SIPA1L1: variants seen among roughly 807,000 people sequenced by gnomAD.
SIPA1L1 encodes the protein signal-induced proliferation-associated 1-like protein 1.
A neutral mutation model predicts 162.7 loss-of-function variants in SIPA1L1; 26 were observed. The ratio of observed to expected loss-of-function variants is 0.16; its 90% CI spans 0.12 to 0.22. The LOEUF is 0.22. SIPA1L1 is among the 10% of genes least tolerant of loss of function. SIPA1L1 has a pLI of 1.00. For synonymous variants in SIPA1L1, 829 were observed against 837.4 expected (o/e 0.99, Z 0.17); for missense variants, 1,874 against 2,241.0 (o/e 0.84, Z 3.31).
chr14:71,465,191 T>A (rs944124458), intron 2 of SIPA1L1, among the ~76,000 whole-genome samples: 1 of 152,250 alleles, frequency 6.6e-6, no homozygotes, highest in African/African-American at 2.4e-5. Flanking sequence ...GTGCCCTGAC[T>A]GTAATGGTAG....
intron 2 of SIPA1L1, among the ~76,000 whole-genome samples, chr14:71,435,190 T>G (rs2044281965): frequency 1.3e-5 from 2 of 152,190 alleles, no homozygotes; most frequent in Admixed American, 1.3e-4. Context: ...TTTTTTTAAA[T>G]TATACTTTAA....
intron 5 of SIPA1L1, among the ~76,000 whole-genome samples, chr14:71,610,813 T>A (rs1007545189): frequency 3.3e-5 from 5 of 152,222 alleles, no homozygotes; most frequent in Non-Finnish European, 5.9e-5. Context: ...AGGTGCTACT[T>A]TAGATACTGT....
At chr14:71,463,750 A>C (rs1053337503) in intron 2 of SIPA1L1, among the ~76,000 whole-genome samples, 2 of 152,154 alleles carry the variant, frequency 1.3e-5, no homozygotes, top group African/African-American at 4.8e-5. Context: ...TATTTTGTCC[A>C]TTTGACCTAG....
chr14:71,357,875 A>G (rs531113880), intron 2 of SIPA1L1, among the ~76,000 whole-genome samples: 3 of 152,146 alleles, frequency 2.0e-5, no homozygotes, highest in Non-Finnish European at 4.4e-5. Context: ...TTACAGGTGC[A>G]CACCACCATG....
chr14:71,734,189 C>T (rs749981368), intron 21 of SIPA1L1, among the ~76,000 whole-genome samples: 6 of 152,260 alleles, frequency 3.9e-5, no homozygotes, highest in African/African-American at 1.2e-4. Flanking sequence ...CTTGGCCACG[C>T]GCCTATCCTC....
At chr14:71,367,069 A>T (rs1440310116) in intron 2 of SIPA1L1, among the ~76,000 whole-genome samples, 1 of 152,144 alleles carries the variant, frequency 6.6e-6, no homozygotes, top group African/African-American at 2.4e-5. Context: ...ATAAATATGT[A>T]TGTATGTGAC....
chr14:71,370,107 A>G (rs1306309025), intron 2 of SIPA1L1, among the ~76,000 whole-genome samples: 16 of 138,306 alleles, frequency 1.2e-4, no homozygotes, highest in African/African-American at 4.3e-4. Flanking sequence ...GTCGTCTGCA[A>G]ACAGGGACAA....
chr14:71,330,867 G>T, intron 2 of SIPA1L1: 1 of 568,402 alleles, frequency 1.8e-6, no homozygotes, highest in South Asian at 2.2e-5. Context: ...TTCCACTCCA[G>T]GTTGCTTTTT....
chr14:71,419,658 C>T (rs61991254), intron 2 of SIPA1L1, among the ~76,000 whole-genome samples: 24,596 of 151,126 alleles, frequency 0.16, 2,588 homozygotes, highest in Middle Eastern at 0.34. Context: ...CCACCACGCC[C>T]GGCTAATTTT....
intron 2 of SIPA1L1, among the ~76,000 whole-genome samples, chr14:71,341,951 G>T (rs2035700350): frequency 6.6e-6 from 1 of 152,060 alleles, no homozygotes; most frequent in Non-Finnish European, 1.5e-5. Context: ...GTTGTGAATA[G>T]TGTTGTGAGG....
rs147098709 is a variant in SIPA1L1, at chr14:71,541,248, T to C, written c.-303+11878T>C. On this transcript the variant is annotated intron_variant, in intron 4 of 23. Transcript: ENST00000381232. ...CTTTATTGGATCATTTATTAAATGT[T>C]AAGTTCTGCCTATGGATGAGTACAT... Among the ~76,000 whole-genome samples the C allele has an allele frequency of 2.6e-5, 4 of 152,358 alleles. No homozygotes were observed. In the East Asian group the frequency reaches 7.7e-4, roughly 29 times the overall value.
At chr14:71,705,475 A>G (rs1332960805) in intron 16 of SIPA1L1, 135 bp downstream of exon 16, 24 of 717,926 alleles carry the variant, frequency 3.3e-5, no homozygotes, top group Non-Finnish European at 5.6e-5. Context: ...GTTTGCTGCC[A>G]TGGCCTTGCA....
chr14:71,521,630 A>G (rs954045876), intron 3 of SIPA1L1, among the ~76,000 whole-genome samples: 5 of 152,224 alleles, frequency 3.3e-5, no homozygotes, highest in South Asian at 4.1e-4. Flanking sequence ...GCTGAACCCC[A>G]TTAGTGTCTT....
At chr14:71,602,058 T>G (rs1053984555) in intron 5 of SIPA1L1, among the ~76,000 whole-genome samples, 2 of 152,124 alleles carry the variant, frequency 1.3e-5, no homozygotes, top group African/African-American at 4.8e-5. Flanking sequence ...TTAGTCTCTA[T>G]TTTGTTTAAT....
At chr14:71,639,171 C>A (rs937379688) in intron 7 of SIPA1L1, among the ~76,000 whole-genome samples, 4 of 152,092 alleles carry the variant, frequency 2.6e-5, no homozygotes, top group African/African-American at 9.7e-5. Flanking sequence ...TTTTGAGAGG[C>A]CAAGGAAGGA....
At chr14:71,709,176 C>G in intron 16 of SIPA1L1, 46 bp from the exon 17 acceptor site, 1 of 1,490,144 alleles carries the variant, frequency 6.7e-7, no homozygotes, top group African/African-American at 1.4e-5. Context: ...TTCTCTTGTT[C>G]AGGAAGCAAA....
At chr14:71,350,717 A>C (rs1384873427) in intron 2 of SIPA1L1, among the ~76,000 whole-genome samples, 1 of 152,236 alleles carries the variant, frequency 6.6e-6, no homozygotes, top group Non-Finnish European at 1.5e-5. Flanking sequence ...GACTTAGGAG[A>C]GACTAAAATA....
chr14:71,611,171 T>C (rs1261655944), intron 5 of SIPA1L1, among the ~76,000 whole-genome samples: 1 of 152,218 alleles, frequency 6.6e-6, no homozygotes, highest in Admixed American at 6.5e-5. Flanking sequence ...AGGAGAGCCA[T>C]TCTTTAAACA....
chr14:71,595,413 T>C (rs2035916401), intron 5 of SIPA1L1, among the ~76,000 whole-genome samples: 1 of 152,218 alleles, frequency 6.6e-6, no homozygotes, highest in African/African-American at 2.4e-5. Flanking sequence ...TGTGTTTTGT[T>C]TCACTGTATG....
Sources: gnomAD v4.1 joint callset for allele counts (sites outside exome capture counted in the v4.1 genomes callset) on GRCh38, gnomAD v4.1.1 for gene constraint, MANE v1.5 for transcripts, NCBI Gene and HGNC (gene_info 2026-07-23, HGNC 2026-07-21) for gene names.